NECTIN1: variants seen among roughly 807,000 people sequenced by gnomAD.
NECTIN1 encodes nectin cell adhesion molecule 1.
In NECTIN1, 23 loss-of-function variants were observed where a neutral mutation model predicts 48.0. The ratio of observed to expected loss-of-function variants is 0.48; its 90% CI spans 0.34 to 0.68. The LOEUF (loss-of-function observed/expected upper bound fraction) is 0.68, where lower values mean the gene tolerates loss of function less well. NECTIN1 is among the 30% of genes least tolerant of loss of function. The pLI, the probability that NECTIN1 is intolerant of heterozygous loss-of-function variation, is 0.01. For synonymous variants in NECTIN1, 270 were observed against 288.9 expected (o/e 0.93, Z 0.66); for missense variants, 591 against 709.9 (o/e 0.83, Z 1.90).
chr11:119,670,045 G>A (rs1276655221), intron 5 of NECTIN1, among the ~76,000 whole-genome samples: 5 of 149,586 alleles, frequency 3.3e-5, no homozygotes, highest in Admixed American at 2.0e-4. Context: ...TGCAACCTCC[G>A]CCTCCCGGGT....
In NECTIN1 at chr11:119,677,556, C is replaced by G. The variant is rs757802399; in HGVS notation, c.732G>C (p.Gln244His). 1.9e-6 allele frequency: 3 copies of G among 1,612,564 alleles called. No homozygotes were observed. The highest frequency in any genetic ancestry group is 2.5e-6 in the Non-Finnish European group (3 of 1,180,024). Reference protein sequence around the residue: ...RFKESLTLNVQYEPEVTIEGF... With the variant: ...RFKESLTLNVHYEPEVTIEGF... ...CCCCTGGCAGCCAGCCCTGCTCACA[C>G]TGCACGTTGAGAGTGAGGCTTTCCT... Residue 244 changes from glutamine to histidine, a missense_variant and splice_region_variant, in exon 3 of 6, where the codon CAG (glutamine) becomes CAC (histidine). Gln to His is a conservative substitution (Grantham distance 24). Coordinates refer to ENST00000264025, the MANE Select transcript of NECTIN1 (RefSeq NM_002855.5). This position sits in a 1 kb window ranked among gnomAD's most constrained non-coding sequence, Gnocchi z 5.4.
chr11:119,684,756 A>T lies in NECTIN1; in HGVS notation c.80-5991T>A, dbSNP rs981075659. ...CCGCCTGGGAGAGAGGCCGGTGTGG[A>T]GGAGCGTGCAATCAGGACACCCACT... On this transcript the variant is annotated intron_variant, in intron 1 of 5. Transcript: ENST00000264025. The surrounding 1 kb of genome is among the most constrained non-coding windows in gnomAD (Gnocchi z 5.2). Among the ~76,000 whole-genome samples, 45 of 152,180 alleles carry T rather than the reference A, an allele frequency of 3.0e-4. No individual in the cohort carries two copies. Among genetic ancestry groups the T allele is most frequent in the African/African-American group, 1.1e-3 (44 of 41,438 alleles).
At chr11:119,714,054 C>T (rs1865706640) in intron 1 of NECTIN1, 1 of 305,774 alleles carries the variant, frequency 3.3e-6, no homozygotes, top group Admixed American at 4.4e-5. Flanking sequence ...CATCGAAGCT[C>T]AGATTCTCCA....
At position 119,672,833 on chromosome 11, in the gene NECTIN1, TCAGGGGCCCAGGTCCC is replaced by T. The variant is rs2135547998; in HGVS notation, c.1003+2310_1003+2325del. ...CCAGCAACCACTCAGTGCTCCTTCC[TCAGGGGCCCAGGTCCC>T]CAAGAAGCCATGCCAAAGCGAGTCT... On this transcript the variant is annotated intron_variant, in intron 5 of 5. Transcript: ENST00000264025. The surrounding 1 kb of genome is among the most constrained non-coding windows in gnomAD (Gnocchi z 4.3). Among the ~76,000 whole-genome samples the T allele has an allele frequency of 6.6e-6, 1 of 152,228 alleles. No homozygotes were observed. The highest frequency in any genetic ancestry group is 1.5e-5 in the Non-Finnish European group (1 of 68,020).
exon 8 of NECTIN1, chr11:119,638,169 A>T (rs777330096): frequency 6.2e-7 from 1 of 1,613,968 alleles, no homozygotes; most frequent in South Asian, 1.1e-5. Flanking sequence ...CCCAGATCAT[A>T]GTAGGGGGGC....
chr11:119,639,165 G>A (rs746328508), intron 6 of NECTIN1, among the ~76,000 whole-genome samples: 14 of 152,158 alleles, frequency 9.2e-5, no homozygotes, highest in Non-Finnish European at 2.1e-4. Context: ...CACGGTATGC[G>A]GCACCGACAG....
At chr11:119,638,855 T>G in intron 6 of NECTIN1, 1 of 1,509,570 alleles carries the variant, frequency 6.6e-7, no homozygotes, top group Non-Finnish European at 9.2e-7. Context: ...ACATGGGGGC[T>G]CTCCCCATCA....
chr11:119,713,909 G>A (rs1257152761), intron 1 of NECTIN1: 5 of 455,624 alleles, frequency 1.1e-5, no homozygotes, highest in Admixed American at 4.7e-5. Flanking sequence ...GGGTGCCAAG[G>A]AGCAGCAAGC....
chr11:119,664,645 A>G lies in NECTIN1; in HGVS notation c.*102T>C. On this transcript the variant is annotated 3_prime_UTR_variant, in exon 6 of 6. Coordinates refer to ENST00000264025, the MANE Select transcript of NECTIN1 (RefSeq NM_002855.5). ...GGGGCTGGCTTTGGGCAGCTGGGCA[A>G]GTCTCTGTTCAGCTCCTGGAGTGGG... 7.0e-7 allele frequency: 1 copy of G among 1,423,702 alleles called. No homozygotes were observed. Among genetic ancestry groups the G allele is most frequent in the Non-Finnish European group, 9.2e-7 (1 of 1,090,950 alleles). The allele number at this position is 1,423,702 out of a possible 1,614,324, so 88.2% of individuals were successfully genotyped here.
chr11:119,695,209 C>G (rs966784327), intron 1 of NECTIN1, among the ~76,000 whole-genome samples: 3 of 152,104 alleles, frequency 2.0e-5, no homozygotes, highest in Admixed American at 1.3e-4. Flanking sequence ...AGTCCCCGGT[C>G]GCTCTCCACT....
rs191928196 is a variant in NECTIN1 at position 119,705,454 on chromosome 11, G to A, written c.79+23021C>T. 1.9e-3 allele frequency among the ~76,000 whole-genome samples: 291 copies of A among 152,342 alleles called. 2 individuals carry two copies. The highest frequency in any genetic ancestry group is 2.8e-3 in the Non-Finnish European group (189 of 68,026). ...CAGAGAAGATCTCACTGAGAAAGGAGACATTTGAGCAAAGAAAAAAACAAG... is the reference window on the plus strand; with the variant it reads ...CAGAGAAGATCTCACTGAGAAAGGAAACATTTGAGCAAAGAAAAAAACAAG... On this transcript the variant is annotated intron_variant, in intron 1 of 5. Coordinates refer to ENST00000264025, the MANE Select transcript of NECTIN1 (RefSeq NM_002855.5).
rs933611547 is a variant in NECTIN1, at chr11:119,683,354, C to T, written c.80-4589G>A. Among the ~76,000 whole-genome samples the T allele has an allele frequency of 1.3e-5, 2 of 152,154 alleles. No individual in the cohort carries two copies. The highest frequency in any genetic ancestry group is 2.9e-5 in the Non-Finnish European group (2 of 68,020). ...CAGAACAGCAGCACCCAGCCCAGTG[C>T]TTTCCCACCCTGCCACAAAAACAGA... On this transcript the variant is annotated intron_variant, in intron 1 of 5. Coordinates refer to ENST00000264025, the MANE Select transcript of NECTIN1 (RefSeq NM_002855.5). This position sits in a 1 kb window ranked among gnomAD's most constrained non-coding sequence, Gnocchi z 4.0.
chr11:119,722,058 G>A (rs976743782), intron 1 of NECTIN1, among the ~76,000 whole-genome samples: 2 of 152,204 alleles, frequency 1.3e-5, no homozygotes, highest in African/African-American at 4.8e-5. Flanking sequence ...ATCCTCTTCC[G>A]TCTGTCCATT....
Position 119,678,572 on chromosome 11 carries a change from A to G in NECTIN1, c.273T>C (p.Ala91=). 1 of 1,614,110 alleles carries G rather than the reference A, an allele frequency of 6.2e-7. No homozygotes were observed. The highest frequency in any genetic ancestry group is 1.1e-5 in the South Asian group (1 of 91,072). The change falls in exon 2 of 6, where the codon GCT becomes GCC. Residue 91 remains alanine (A), a synonymous_variant. Transcript: ENST00000264025. The surrounding 1 kb of genome is among the most constrained non-coding windows in gnomAD (Gnocchi z 4.4). ...GGAATTCCACACGCTCGCGGTAGGG[A>G]GCCAGCACGGACACGCCCATGGATG... The part of the protein sequence containing the change: ...YNPSMGVSVL[A]PYRERVEFLR...
Position 119,664,917 on chromosome 11 carries a change from C to G in NECTIN1, c.1384G>C (p.Glu462Gln), listed in dbSNP as rs779779190. The change falls in exon 6 of 6, where the codon GAG (glutamate) becomes CAG (glutamine). Residue 462 changes from glutamate to glutamine, a missense_variant. Physicochemically the swap from Glu to Gln is conservative, Grantham distance 29. Coordinates refer to ENST00000264025, the MANE Select transcript of NECTIN1 (RefSeq NM_002855.5). Reference sequence around the variant, plus strand: ...GTGAAGTAGGGCCGCTTGGCGTCCTCGTCATATTTGGGGTGGGGGCCGCCC... The same window carrying G: ...GTGAAGTAGGGCCGCTTGGCGTCCTGGTCATATTTGGGGTGGGGGCCGCCC... ...KVGGPHPKYD[E>Q]DAKRPYFTVD... The G allele has an allele frequency of 3.1e-6, 5 of 1,613,896 alleles. No individual in the cohort carries two copies. Among genetic ancestry groups the G allele is most frequent in the Non-Finnish European group, 3.4e-6 (4 of 1,179,918 alleles).
chr11:119,715,780 G>A (rs1308941521), intron 1 of NECTIN1, among the ~76,000 whole-genome samples: 4 of 152,114 alleles, frequency 2.6e-5, no homozygotes, highest in Non-Finnish European at 5.9e-5. Context: ...CAAGGCCCTA[G>A]CTCCATCTCT....
chr11:119,642,151 G>A (rs1482882582), intron 5 of NECTIN1: 1 of 143,214 alleles, frequency 7.0e-6, no homozygotes, highest in Non-Finnish European at 1.5e-5. Context: ...TTGCCTGAAT[G>A]TGTAGTGGGC....
chr11:119,667,762 T>C (rs993522235), intron 5 of NECTIN1, among the ~76,000 whole-genome samples: 5 of 152,208 alleles, frequency 3.3e-5, no homozygotes, highest in Admixed American at 2.0e-4. Flanking sequence ...TCTGCTTTCT[T>C]TCCTAGTGAC....
intron 5 of NECTIN1, among the ~76,000 whole-genome samples, chr11:119,671,944 C>A (rs1294413490): frequency 1.3e-5 from 2 of 152,254 alleles, no homozygotes; most frequent in African/African-American, 4.8e-5. Flanking sequence ...AGCATGCAGA[C>A]GGAGCCTGTT....
Sources: gnomAD v4.1 joint callset for allele counts (sites outside exome capture counted in the v4.1 genomes callset) on GRCh38, gnomAD v4.1.1 for gene constraint, Gnocchi (gnomAD v3.1) non-coding constraint, MANE v1.5 for transcripts, NCBI Gene and HGNC (gene_info 2026-07-23, HGNC 2026-07-21) for gene names.